The following LY75 variants were observed in gnomAD, a reference collection of about 807,000 sequenced individuals.
LY75 encodes the protein C-type lectin domain family 13 member B.
A neutral mutation model predicts 231.7 loss-of-function variants in LY75; 185 were observed. The observed-to-expected ratio is 0.80, with a 90% confidence interval of 0.71 to 0.90. The LOEUF is 0.90. LY75 is among the 40% of genes least tolerant of loss of function. The pLI, the probability that LY75 is intolerant of heterozygous loss-of-function variation, is 0.00. For synonymous variants in LY75, 668 were observed against 689.0 expected, an observed-to-expected ratio of 0.97 and a Z score of 0.48; for missense variants, 1,947 against 2,050.2, an observed-to-expected ratio of 0.95 and a Z score of 0.97.
chr2:159,856,014 T>C (rs1684540805), intron 16 of LY75, among the ~76,000 whole-genome samples: 2 of 152,326 alleles, frequency 1.3e-5, no homozygotes, highest in South Asian at 4.1e-4. Context: ...ATGTTGCAAG[T>C]CAGTTCAAAA....
In LY75 at chr2:159,894,228, A is replaced by C; in HGVS notation, c.467-144T>G. 5 of 1,045,072 alleles carry C rather than the reference A, an allele frequency of 4.8e-6. 1 individual carries two copies. The South Asian group carries it at 8.8e-5, about 18-fold the overall frequency. 64.7% of individuals were successfully genotyped at this position (1,045,072 alleles called of 1,614,324 possible). A position where few individuals can be genotyped will look rare whatever the true frequency, so the allele number is the denominator to read the frequency against. ...AGGAATTCAGAGCATGGGTGCTGTCAGGTCTGGATATGAATGCTGGCTCCC... is the reference window on the plus strand; with the variant it reads ...AGGAATTCAGAGCATGGGTGCTGTCCGGTCTGGATATGAATGCTGGCTCCC... On this transcript the variant is annotated intron_variant, in intron 2 of 34. Coordinates refer to ENST00000263636, the MANE Select transcript of LY75 (RefSeq NM_002349.4).
chr2:159,892,538 C>G (rs1237833446), intron 3 of LY75, among the ~76,000 whole-genome samples: 1 of 152,182 alleles, frequency 6.6e-6, no homozygotes, highest in Admixed American at 6.5e-5. Flanking sequence ...GAAACAGTAT[C>G]TGACACCTGG....
chr2:159,862,372 C>T (rs1031205500), intron 14 of LY75, among the ~76,000 whole-genome samples: 2 of 151,154 alleles, frequency 1.3e-5, no homozygotes, highest in African/African-American at 4.9e-5. Flanking sequence ...GTGGGAAGAT[C>T]GCTTGAGCCT....
intron 30 of LY75, among the ~76,000 whole-genome samples, chr2:159,816,338 A>G (rs1490015941): frequency 6.6e-6 from 1 of 152,218 alleles, no homozygotes; most frequent in Non-Finnish European, 1.5e-5. Flanking sequence ...AGTCCTAACC[A>G]TGTGGAGAAT....
chr2:159,819,582 T>G (rs1683224958), intron 29 of LY75, 144 bp downstream of exon 29: 7 of 1,006,104 alleles, frequency 7.0e-6, no homozygotes, highest in Admixed American at 2.9e-5. Context: ...CCCGTATCTT[T>G]TCCTTCCTCG....
intron 12 of LY75, among the ~76,000 whole-genome samples, chr2:159,873,808 T>C (rs1046412480): frequency 7.5e-6 from 1 of 133,212 alleles, no homozygotes; most frequent in Non-Finnish European, 1.7e-5. Context: ...ATACATATAG[T>C]AAAAATACAT....
intron 4 of LY75, among the ~76,000 whole-genome samples, chr2:159,887,130 TATAAC>T (rs1279751623): frequency 2.7e-5 from 4 of 147,020 alleles, no homozygotes; most frequent in Non-Finnish European, 4.5e-5. Context: ...TTATATATAA[TATAAC>T]ATATATATAT....
At chr2:159,856,276 C>A (rs1382139526) in intron 16 of LY75, among the ~76,000 whole-genome samples, 3 of 152,142 alleles carry the variant, frequency 2.0e-5, no homozygotes, top group Non-Finnish European at 2.9e-5. Flanking sequence ...TTATTTTTGA[C>A]ACAGTTTTCT....
intron 30 of LY75, among the ~76,000 whole-genome samples, chr2:159,816,213 C>T (rs966593407): frequency 2.0e-5 from 3 of 152,132 alleles, no homozygotes; most frequent in Admixed American, 1.3e-4. Flanking sequence ...ACTGTAAGTA[C>T]ATAAATGATT....
chr2:159,850,216 T>A (rs1684340936), intron 22 of LY75, 76 bp from the exon 23 acceptor site: 2 of 1,514,864 alleles, frequency 1.3e-6, no homozygotes, highest in South Asian at 1.3e-5. Flanking sequence ...ATGAATATAT[T>A]TTGTTTATCT....
At chr2:159,837,720 C>T (rs1304838094) in intron 25 of LY75, among the ~76,000 whole-genome samples, 1 of 152,188 alleles carries the variant, frequency 6.6e-6, no homozygotes, top group Non-Finnish European at 1.5e-5. Context: ...ATATTCTATT[C>T]TCAGATACCA....
intron 4 of LY75, among the ~76,000 whole-genome samples, chr2:159,887,528 A>G (rs1472390325): frequency 3.4e-5 from 5 of 147,034 alleles, no homozygotes; most frequent in African/African-American, 1.2e-4. Flanking sequence ...ACTGCACTCC[A>G]TCCTAGGTGG....
chr2:159,864,890 A>G lies in LY75; in HGVS notation c.2148T>C (p.Asn716=). ...ATCCTTGTAAATCTGGGCTCCTTTT[A>G]TTCAAACCAATCCACAGCCAATGCT... ...SGQHWLWIGL[N]KRSPDLQGSW... Residue 716 remains asparagine, a synonymous_variant, in exon 14 of 35, where the codon AAT becomes AAC. Coordinates refer to ENST00000263636, the MANE Select transcript of LY75 (RefSeq NM_002349.4). 6.2e-7 allele frequency: 1 copy of G among 1,605,498 alleles called. No individual in the cohort carries two copies. Among genetic ancestry groups the G allele is most frequent in the Non-Finnish European group, 8.5e-7 (1 of 1,175,986 alleles).
intron 28 of LY75, among the ~76,000 whole-genome samples, chr2:159,828,623 T>C (rs192249408): frequency 6.6e-6 from 1 of 152,312 alleles, no homozygotes; most frequent in East Asian, 1.9e-4. Context: ...GCAATTCTAT[T>C]CCCAGGGGTT....
chr2:159,851,148 T>A (rs1417985008), intron 21 of LY75, among the ~76,000 whole-genome samples: 2 of 152,068 alleles, frequency 1.3e-5, no homozygotes. Context: ...CAAATTTATA[T>A]CAGCTATGCA....
At chr2:159,809,677 T>A (rs1682897295) in intron 32 of LY75, among the ~76,000 whole-genome samples, 1 of 151,546 alleles carries the variant, frequency 6.6e-6, no homozygotes, top group African/African-American at 2.4e-5. Flanking sequence ...TTATTTATTT[T>A]ATTTATTTAT....
intron 31 of LY75, among the ~76,000 whole-genome samples, chr2:159,815,132 C>G (rs969930643): frequency 1.3e-5 from 2 of 151,944 alleles, no homozygotes; most frequent in Non-Finnish European, 2.9e-5. Context: ...TCCTGACTAG[C>G]TGGGACTACA....
rs773049814 is a variant in LY75, at chr2:159,898,879, A to C, written c.275T>G (p.Val92Gly). 2.5e-6 allele frequency: 4 copies of C among 1,614,152 alleles called. No individual in the cohort carries two copies. The highest frequency in any genetic ancestry group is 2.2e-5 in the East Asian group (1 of 44,888). Residue 92 changes from valine (V) to glycine (G), a missense_variant, in exon 2 of 35, where the codon GTA (valine) becomes GGA (glycine). Transcript: ENST00000263636. ...KCLGLDITKSVNELRMFSCDS... is the reference protein window; with the variant it reads ...KCLGLDITKSGNELRMFSCDS... ...ACAGCTGAACATTCTCAGCTCATTT[A>C]CCGATTTGGTAATATCGAGGCCAAG...
chr2:159,816,280 G>A (rs1683117779), intron 30 of LY75, among the ~76,000 whole-genome samples: 1 of 152,162 alleles, frequency 6.6e-6, no homozygotes, highest in African/African-American at 2.4e-5. Context: ...TTAATCCTAA[G>A]TAGTATAATT....
Sources: gnomAD v4.1 joint callset for allele counts (sites outside exome capture counted in the v4.1 genomes callset) on GRCh38, gnomAD v4.1.1 for gene constraint, MANE v1.5 for transcripts, NCBI Gene and HGNC (gene_info 2026-07-23, HGNC 2026-07-21) for gene names.